The following GJB7 variants were observed in gnomAD, a reference collection of about 807,000 sequenced individuals.
GJB7 encodes the protein gap junction beta-7 protein.
For synonymous variants in GJB7, 87 were observed against 95.2 expected (o/e 0.91, Z 0.50); for missense variants, 253 against 256.8 (o/e 0.99, Z 0.10).
chr6:87,308,801 A>G (rs1776471824), intron 2 of GJB7, among the ~76,000 whole-genome samples: 1 of 151,994 alleles, frequency 6.6e-6, no homozygotes, highest in African/African-American at 2.4e-5. Flanking sequence ...CCTTAAAGGC[A>G]ACCAGATAAA....
chr6:87,309,935 A>T (rs190240600), intron 2 of GJB7, among the ~76,000 whole-genome samples: 1 of 152,358 alleles, frequency 6.6e-6, no homozygotes. Context: ...CTTGGTATGC[A>T]AGAGTCAAAC....
chr6:87,293,319 G>A (rs996562941), intron 2 of GJB7, among the ~76,000 whole-genome samples: 2 of 152,138 alleles, frequency 1.3e-5, no homozygotes, highest in Non-Finnish European at 1.5e-5. Context: ...ATGAGCCACC[G>A]CACCCAGCCT....
chr6:87,328,599 G>A (rs918390291), intron 1 of GJB7, among the ~76,000 whole-genome samples: 1 of 152,186 alleles, frequency 6.6e-6, no homozygotes, highest in African/African-American at 2.4e-5. Flanking sequence ...TGAGGAGGCA[G>A]TCTGCCTGTT....
intron 2 of GJB7, 36 bp from the exon 3 acceptor site, chr6:87,284,975 TTTCTA>T (rs1437341077): frequency 3.1e-6 from 4 of 1,296,108 alleles, no homozygotes; most frequent in Non-Finnish European, 4.3e-6. Flanking sequence ...GATCCATTTA[TTTCTA>T]TTCTACAGAT....
At chr6:87,287,838 T>C (rs542404261) in intron 2 of GJB7, among the ~76,000 whole-genome samples, 2 of 152,178 alleles carry the variant, frequency 1.3e-5, no homozygotes, top group African/African-American at 4.8e-5. Flanking sequence ...TTGAATATAA[T>C]CAGAGGATGA....
chr6:87,318,915 T>C (rs900010697), intron 2 of GJB7, among the ~76,000 whole-genome samples: 11 of 152,188 alleles, frequency 7.2e-5, no homozygotes, highest in African/African-American at 2.4e-4. Context: ...TTTGACAAAA[T>C]ACCAGTAATG....
At chr6:87,323,739 G>A (rs1776736195) in intron 1 of GJB7, among the ~76,000 whole-genome samples, 1 of 152,100 alleles carries the variant, frequency 6.6e-6, no homozygotes, top group Admixed American at 6.5e-5. Flanking sequence ...AAACATACGT[G>A]TGCTTGTGTC....
intron 2 of GJB7, chr6:87,299,244 C>A (rs2127902021): frequency 6.5e-6 from 3 of 461,266 alleles, no homozygotes; most frequent in South Asian, 3.3e-5. Context: ...CCATGACAAC[C>A]CCTGGAGAAA....
At chr6:87,329,028 G>GTCA (rs1381799558) in intron 1 of GJB7, 110 bp downstream of exon 1, 1 of 152,992 alleles carries the variant, frequency 6.5e-6, no homozygotes, top group Non-Finnish European at 1.5e-5. Flanking sequence ...TGTGCCGTCT[G>GTCA]TCACCCTTTT....
At position 87,322,963 on chromosome 6, in the gene GJB7, A is replaced by G. The variant is rs923515386; in HGVS notation, c.-125T>C. On this transcript the variant is annotated 5_prime_UTR_variant, in exon 2 of 3. Transcript: ENST00000525899. ...GTTTCTTAGTGTCTTGGCTCACCAG[A>G]CTCATAGGGGAACATGGTGGTGTTT... 4 of 151,586 alleles carry G rather than the reference A, an allele frequency of 2.6e-5. No homozygotes were observed. In the South Asian group the frequency reaches 8.4e-4, roughly 32 times the overall value. 9.4% of individuals were successfully genotyped at this position (151,586 alleles called of 1,614,324 possible). A position where few individuals can be genotyped will look rare whatever the true frequency, so the allele number is the denominator to read the frequency against.
intron 2 of GJB7, among the ~76,000 whole-genome samples, chr6:87,304,611 T>G (rs1177469684): frequency 6.6e-6 from 1 of 152,204 alleles, no homozygotes; most frequent in Non-Finnish European, 1.5e-5. Context: ...GAGGAGTTGG[T>G]ACCATTCCTT....
intron 2 of GJB7, among the ~76,000 whole-genome samples, chr6:87,308,790 A>G (rs1057160770): frequency 2.0e-5 from 3 of 152,072 alleles, no homozygotes; most frequent in African/African-American, 7.3e-5. Context: ...GACAGAGAAG[A>G]CCTTAAAGGC....
At chr6:87,306,846 TA>T (rs1177884450) in intron 2 of GJB7, among the ~76,000 whole-genome samples, 2 of 152,166 alleles carry the variant, frequency 1.3e-5, no homozygotes, top group Non-Finnish European at 2.9e-5. Context: ...TATGCAGCCA[TA>T]AAAAATGATG....
chr6:87,307,185 A>T (rs142640233), intron 2 of GJB7, among the ~76,000 whole-genome samples: 2,219 of 150,330 alleles, frequency 0.015, 58 homozygotes, highest in African/African-American at 0.05. Context: ...AATAAAATTT[A>T]AAAAAAAATT....
intron 2 of GJB7, among the ~76,000 whole-genome samples, chr6:87,304,375 C>T (rs1183272373): frequency 6.6e-6 from 1 of 152,106 alleles, no homozygotes; most frequent in Non-Finnish European, 1.5e-5. Context: ...TACAAACTAC[C>T]ATCAGAAAAT....
At chr6:87,319,809 G>A (rs988024831) in intron 2 of GJB7, among the ~76,000 whole-genome samples, 1 of 152,182 alleles carries the variant, frequency 6.6e-6, no homozygotes, top group African/African-American at 2.4e-5. Flanking sequence ...TAAAGAAAAT[G>A]TGGTACATAT....
At chr6:87,314,698 C>T (rs1776556809) in intron 2 of GJB7, among the ~76,000 whole-genome samples, 1 of 152,212 alleles carries the variant, frequency 6.6e-6, no homozygotes. Flanking sequence ...TACTTCACTT[C>T]ACCATGGCAC....
rs994060593 is a variant in GJB7, at chr6:87,283,797, T to C, written c.*444A>G. The C allele has an allele frequency of 6.4e-6, 1 of 155,064 alleles. No individual in the cohort carries two copies. Among genetic ancestry groups the C allele is most frequent in the South Asian group, 2.0e-4 (1 of 5,098 alleles). 9.6% of individuals were successfully genotyped at this position (155,064 alleles called of 1,614,324 possible). A position where few individuals can be genotyped will look rare whatever the true frequency, so the allele number is the denominator to read the frequency against. On this transcript the variant is annotated 3_prime_UTR_variant, in exon 3 of 3. Coordinates refer to ENST00000525899, the MANE Select transcript of GJB7 (RefSeq NM_198568.3). ...CCAGTTCATTGTGCACCAATTGTAA[T>C]GAGATAGTTAGAAAAAACAGAAAAC...
intron 2 of GJB7, among the ~76,000 whole-genome samples, chr6:87,302,009 C>A (rs80162528): frequency 6.6e-6 from 1 of 152,164 alleles, no homozygotes; most frequent in Non-Finnish European, 1.5e-5. Context: ...AAAGGACATC[C>A]ACACCAAAAC....
Sources: gnomAD v4.1 joint callset for allele counts (sites outside exome capture counted in the v4.1 genomes callset) on GRCh38, gnomAD v4.1.1 for gene constraint, MANE v1.5 for transcripts, NCBI Gene and HGNC (gene_info 2026-07-23, HGNC 2026-07-21) for gene names.